DLG2: variants seen among roughly 807,000 people sequenced by gnomAD.
DLG2 encodes the protein disks large homolog 2.
A neutral mutation model predicts 132.5 loss-of-function variants in DLG2; 45 were observed. That is an observed-to-expected ratio of 0.34 (90% CI 0.27 to 0.44). The LOEUF (loss-of-function observed/expected upper bound fraction) is 0.44. DLG2 is among the 20% of genes least tolerant of loss of function. The pLI is 1.00. For synonymous variants in DLG2, 424 were observed against 419.6 expected, an observed-to-expected ratio of 1.01 and a Z score of -0.13; for missense variants, 1,045 against 1,196.9, an observed-to-expected ratio of 0.87 and a Z score of 1.87.
chr11:85,195,680 C>T (rs1367916572), intron 4 of DLG2, among the ~76,000 whole-genome samples: 2 of 151,848 alleles, frequency 1.3e-5, no homozygotes, highest in Non-Finnish European at 2.9e-5. Flanking sequence ...CCCACCATCA[C>T]GCCCAGCTAA....
At chr11:84,567,578 A>C (rs1486132735) in intron 6 of DLG2, among the ~76,000 whole-genome samples, 1 of 152,184 alleles carries the variant, frequency 6.6e-6, no homozygotes, top group Non-Finnish European at 1.5e-5. Context: ...TTTGAATAGC[A>C]CTTGACAAAC....
Position 85,109,086 on chromosome 11 carries a change from G to C in DLG2, c.357+2575C>G, listed in dbSNP as rs1594314580. Among the ~76,000 whole-genome samples, 4 of 152,006 alleles carry C rather than the reference G, an allele frequency of 2.6e-5. No individual in the cohort carries two copies. In the South Asian group the frequency reaches 8.3e-4, roughly 31 times the overall value. On this transcript the variant is annotated intron_variant, in intron 6 of 27. Coordinates refer to ENST00000376104, the MANE Select transcript of DLG2 (RefSeq NM_001142699.3). Reference sequence around the variant, plus strand: ...AAAAAAAAATTCAACTGGCCCTGCTGGAATCAAATGTCTTCCTCCTGGATC... The same window carrying C: ...AAAAAAAAATTCAACTGGCCCTGCTCGAATCAAATGTCTTCCTCCTGGATC...
intron 7 of DLG2, among the ~76,000 whole-genome samples, chr11:84,506,875 T>TTCC (rs1278802011): frequency 6.6e-6 from 1 of 152,180 alleles, no homozygotes; most frequent in Non-Finnish European, 1.5e-5. Flanking sequence ...ATGACTCTGC[T>TTCC]TCCTCAGCCA....
intron 8 of DLG2, among the ~76,000 whole-genome samples, chr11:84,196,778 C>T (rs977342389): frequency 6.6e-6 from 1 of 151,992 alleles, no homozygotes. Flanking sequence ...CAGTGGCTCA[C>T]ACCTGCAATC....
intron 15 of DLG2, among the ~76,000 whole-genome samples, chr11:83,910,813 C>T (rs772024880): frequency 3.3e-5 from 5 of 152,004 alleles, no homozygotes; most frequent in South Asian, 2.1e-4. Flanking sequence ...CTATCATTGT[C>T]GTGATGATTA....
intron 21 of DLG2, among the ~76,000 whole-genome samples, chr11:83,485,885 G>C (rs2093468755): frequency 6.6e-6 from 1 of 152,090 alleles, no homozygotes; most frequent in South Asian, 2.1e-4. Flanking sequence ...TTAGGTAGTA[G>C]AAACTTTCAG....
intron 7 of DLG2, among the ~76,000 whole-genome samples, chr11:84,364,496 C>A (rs1374751398): frequency 2.0e-5 from 3 of 152,106 alleles, no homozygotes; most frequent in South Asian, 4.1e-4. Flanking sequence ...ACTGAATACC[C>A]TTTATTTCCT....
intron 7 of DLG2, among the ~76,000 whole-genome samples, chr11:84,352,706 CTT>C (rs1156302760): frequency 2.0e-5 from 3 of 152,126 alleles, no homozygotes; most frequent in Non-Finnish European, 4.4e-5. Context: ...CTTAAAATAA[CTT>C]TGTGGTAATA....
At chr11:83,990,265 GCA>G (rs2093632019) in intron 11 of DLG2, among the ~76,000 whole-genome samples, 1 of 152,068 alleles carries the variant, frequency 6.6e-6, no homozygotes, top group Admixed American at 6.6e-5. Context: ...ATCACTTGAC[GCA>G]CATACAGAAT....
chr11:84,857,069 T>C (rs931360768), intron 6 of DLG2, among the ~76,000 whole-genome samples: 9 of 149,720 alleles, frequency 6.0e-5, no homozygotes, highest in African/African-American at 2.2e-4. Flanking sequence ...ATTGGTAAAA[T>C]TACCAATGGC....
At chr11:83,688,201 A>C (rs1329914134) in intron 18 of DLG2, among the ~76,000 whole-genome samples, 1 of 152,174 alleles carries the variant, frequency 6.6e-6, no homozygotes, top group Non-Finnish European at 1.5e-5. Context: ...GTTTGAATTT[A>C]ACAATATTCA....
intron 21 of DLG2, among the ~76,000 whole-genome samples, chr11:83,522,963 T>C (rs1241986157): frequency 6.6e-6 from 1 of 152,216 alleles, no homozygotes; most frequent in Non-Finnish European, 1.5e-5. Context: ...ACACAATGTA[T>C]AGTTAAGAGG....
At chr11:83,979,114 A>G (rs935959000) in intron 12 of DLG2, among the ~76,000 whole-genome samples, 1 of 152,174 alleles carries the variant, frequency 6.6e-6, no homozygotes, top group Non-Finnish European at 1.5e-5. Context: ...TATCAAGATT[A>G]TTACAAAGAT....
chr11:85,232,948 A>G (rs984885388), intron 4 of DLG2, among the ~76,000 whole-genome samples: 1 of 151,956 alleles, frequency 6.6e-6, no homozygotes, highest in Non-Finnish European at 1.5e-5. Flanking sequence ...GAAGAAAGGT[A>G]AAACAGAAAC....
At chr11:84,065,362 T>C (rs978636855) in intron 10 of DLG2, among the ~76,000 whole-genome samples, 1 of 151,950 alleles carries the variant, frequency 6.6e-6, no homozygotes, top group Non-Finnish European at 1.5e-5. Context: ...GGAACTTAAA[T>C]TTACAAGGAA....
chr11:84,179,412 CA>C (rs2096059979), intron 8 of DLG2, among the ~76,000 whole-genome samples: 1 of 152,118 alleles, frequency 6.6e-6, no homozygotes, highest in African/African-American at 2.4e-5. Flanking sequence ...CACCAATTAT[CA>C]GAGCAAAAAC....
intron 7 of DLG2, among the ~76,000 whole-genome samples, chr11:84,335,809 A>C (rs963550655): frequency 2.0e-5 from 3 of 152,096 alleles, no homozygotes; most frequent in African/African-American, 7.2e-5. Flanking sequence ...TTAGGTAATG[A>C]TTGTCATGAA....
intron 7 of DLG2, among the ~76,000 whole-genome samples, chr11:84,423,857 A>G (rs958010024): frequency 1.3e-5 from 2 of 152,232 alleles, no homozygotes; most frequent in African/African-American, 4.8e-5. Context: ...AATGTTAATC[A>G]TAAATGCAAC....
intron 9 of DLG2, among the ~76,000 whole-genome samples, chr11:84,144,079 T>TG (rs2094969643): frequency 6.6e-6 from 1 of 152,112 alleles, no homozygotes; most frequent in African/African-American, 2.4e-5. Flanking sequence ...TCTAAGAAGT[T>TG]GGGGCCCTAT....
Sources: gnomAD v4.1 joint callset for allele counts (sites outside exome capture counted in the v4.1 genomes callset) on GRCh38, gnomAD v4.1.1 for gene constraint, MANE v1.5 for transcripts, NCBI Gene and HGNC (gene_info 2026-07-23, HGNC 2026-07-21) for gene names.